Variants in MAGEB10 observed in about 807,000 individuals in gnomAD.
MAGEB10 encodes the protein melanoma-associated antigen B10.
For synonymous variants in MAGEB10, 99 were observed against 101.0 expected, an observed-to-expected ratio of 0.98 and a Z score of 0.12; for missense variants, 190 against 261.9, an observed-to-expected ratio of 0.73 and a Z score of 1.89.
At chrX:27,815,790 C>A (rs1923774808) in intron 1 of MAGEB10, among the ~76,000 whole-genome samples, 1 of 111,945 alleles carries the variant, frequency 8.9e-6, no homozygotes, top group East Asian at 2.8e-4. Context: ...GATTAGATCA[C>A]CCTTCTGTAG....
intron 1 of MAGEB10, among the ~76,000 whole-genome samples, chrX:27,815,732 T>G (rs1282624851): frequency 8.9e-6 from 1 of 112,182 alleles, no homozygotes; most frequent in Non-Finnish European, 1.9e-5. Flanking sequence ...TAGATTTCTA[T>G]GCTGACATAA....
intron 1 of MAGEB10, among the ~76,000 whole-genome samples, chrX:27,813,536 G>A (rs1164612581): frequency 3.6e-5 from 4 of 111,824 alleles, no homozygotes; most frequent in Non-Finnish European, 7.5e-5. Context: ...CCAAGGGCAC[G>A]CACTGAATTG....
In MAGEB10 at chrX:27,822,496, T is replaced by C. The variant is rs1049135339; in HGVS notation, c.*146T>C. On this transcript the variant is annotated 3_prime_UTR_variant, in exon 3 of 3. Coordinates refer to ENST00000356790, the MANE Select transcript of MAGEB10 (RefSeq NM_182506.3). The stretch of plus-strand genomic sequence containing the variant: ...TGGCTTGGAATTTTTGAAGATGTTG[T>C]TCCTTTAATAGATGGTTAAAGTAGC... 1.5e-5 allele frequency: 8 copies of C among 544,730 alleles called. No homozygotes were observed. The highest frequency in any genetic ancestry group is 9.4e-5 in the African/African-American group (4 of 42,604). 44.9% of individuals were successfully genotyped at this position (544,730 alleles called of 1,213,427 possible).
At chrX:27,809,938 C>A (rs1481225163) in intron 1 of MAGEB10, among the ~76,000 whole-genome samples, 1 of 109,357 alleles carries the variant, frequency 9.1e-6, no homozygotes, top group Non-Finnish European at 1.9e-5. Context: ...TTTGGAGAAC[C>A]CTTGTGTCAA....
At chrX:27,816,031 C>T (rs1923778905) in intron 1 of MAGEB10, among the ~76,000 whole-genome samples, 1 of 111,216 alleles carries the variant, frequency 9.0e-6, no homozygotes, top group Non-Finnish European at 1.9e-5. Flanking sequence ...GGCCTGTGTC[C>T]AGTCTTTGCA....
At chrX:27,816,561 T>C (rs1923787469) in intron 1 of MAGEB10, among the ~76,000 whole-genome samples, 1 of 111,591 alleles carries the variant, frequency 9.0e-6, no homozygotes, top group South Asian at 3.8e-4. Flanking sequence ...TAACAATACA[T>C]CAAAAGAAGG....
At chrX:27,821,214 T>G (rs1439072277) in intron 2 of MAGEB10, 44 bp from the exon 3 acceptor site, 6 of 770,158 alleles carry the variant, frequency 7.8e-6, no homozygotes, top group Non-Finnish European at 1.1e-5. Flanking sequence ...AAGTTGTATC[T>G]CTCTGCTGAA....
At position 27,812,713 on chromosome X, in the gene MAGEB10, G is replaced by A. The variant is rs1408197841; in HGVS notation, c.-199+4677G>A. Reference sequence around the variant, plus strand: ...AGCTATGAATTCCTGTGGCGTCCACGAGCCTATGCTGAAACCAGCAAGATG... The same window carrying A: ...AGCTATGAATTCCTGTGGCGTCCACAAGCCTATGCTGAAACCAGCAAGATG... On this transcript the variant is annotated intron_variant, in intron 1 of 2. Coordinates refer to ENST00000356790, the MANE Select transcript of MAGEB10 (RefSeq NM_182506.3). 1.1e-5 allele frequency: 4 copies of A among 366,166 alleles called. 1 individual carries two copies. Among genetic ancestry groups the A allele is most frequent in the South Asian group, 7.8e-5 (3 of 38,367 alleles). 30.2% of individuals were successfully genotyped at this position (366,166 alleles called of 1,213,427 possible).
intron 1 of MAGEB10, among the ~76,000 whole-genome samples, chrX:27,809,393 C>T (rs1200602603): frequency 1.8e-5 from 1 of 55,903 alleles, no homozygotes; most frequent in Non-Finnish European, 3.2e-5. Flanking sequence ...CCCAACCCCG[C>T]CAGCCCCCTC....
chrX:27,818,532 C>T (rs1427592025), intron 2 of MAGEB10, among the ~76,000 whole-genome samples: 1 of 111,984 alleles, frequency 8.9e-6, no homozygotes, highest in Non-Finnish European at 1.9e-5. Flanking sequence ...AAAGGCTGAG[C>T]GTGCATATGC....
chrX:27,822,515 A>G lies in MAGEB10; in HGVS notation c.*165A>G. 1 of 474,775 alleles carries G rather than the reference A, an allele frequency of 2.1e-6. No individual in the cohort carries two copies. Among genetic ancestry groups the G allele is most frequent in the Non-Finnish European group, 3.5e-6 (1 of 288,976 alleles). 39.1% of individuals were successfully genotyped at this position (474,775 alleles called of 1,213,427 possible). The stretch of plus-strand genomic sequence containing the variant: ...ATGTTGTTCCTTTAATAGATGGTTA[A>G]AGTAGCTTCACTATCTAAGTTTATG... On this transcript the variant is annotated 3_prime_UTR_variant, in exon 3 of 3. Coordinates refer to ENST00000356790, the MANE Select transcript of MAGEB10 (RefSeq NM_182506.3).
intron 1 of MAGEB10, among the ~76,000 whole-genome samples, chrX:27,809,585 C>A (rs377436193): frequency 0.047 from 598 of 12,621 alleles, 98 homozygotes; most frequent in Non-Finnish European, 0.068. Flanking sequence ...CACCCACCCC[C>A]CCTCCTGTCC....
At chrX:27,811,597 T>G (rs1923685398) in intron 1 of MAGEB10, among the ~76,000 whole-genome samples, 1 of 112,068 alleles carries the variant, frequency 8.9e-6, no homozygotes, top group African/African-American at 3.2e-5. Context: ...CCATAGAGTC[T>G]GGACCTGCCA....
At position 27,822,923 on chromosome X, in the gene MAGEB10, G is replaced by A. The variant is rs747862519; in HGVS notation, c.*573G>A. On this transcript the variant is annotated 3_prime_UTR_variant, in exon 3 of 3. Transcript: ENST00000356790. The stretch of plus-strand genomic sequence containing the variant: ...CTAGCTGCTCAGGAGGCTGAGGCAG[G>A]AGAATGGCGTAAACCCGGGAGGCGG... 2 of 116,863 alleles carry A rather than the reference G, an allele frequency of 1.7e-5. No individual in the cohort carries two copies. The highest frequency in any genetic ancestry group is 3.3e-5 in the African/African-American group (1 of 30,215). 9.6% of individuals were successfully genotyped at this position (116,863 alleles called of 1,213,427 possible).
At chrX:27,812,317 A>C (rs1923706264) in intron 1 of MAGEB10, 1 of 160,706 alleles carries the variant, frequency 6.2e-6, no homozygotes, top group Non-Finnish European at 1.2e-5. Context: ...CAGACGTAAA[A>C]GAGCCTCTTC....
chrX:27,809,633 G>A (rs1317045699), intron 1 of MAGEB10, among the ~76,000 whole-genome samples: 3 of 66,467 alleles, frequency 4.5e-5, no homozygotes, highest in Non-Finnish European at 8.4e-5. Flanking sequence ...CCCCCGCTCT[G>A]CGGTGCCCAG....
At position 27,810,564 on chromosome X, in the gene MAGEB10, G is replaced by A. The variant is rs149849893; in HGVS notation, c.-199+2528G>A. On this transcript the variant is annotated intron_variant, in intron 1 of 2. Transcript: ENST00000356790. ...TGGGAGGTCCCTAGCGTGGCTGTAA[G>A]GCCCAGGTGACCCCTCGCTTCATAT... is the stretch of plus-strand genomic sequence containing the variant. Among the ~76,000 whole-genome samples the A allele has an allele frequency of 5.0e-3, 558 of 111,522 alleles. 2 individuals are homozygous for A. The highest frequency in any genetic ancestry group is 0.017 in the African/African-American group (515 of 30,633).
At chrX:27,819,058 A>ACCCC (rs1004393369) in intron 2 of MAGEB10, among the ~76,000 whole-genome samples, 7 of 110,470 alleles carry the variant, frequency 6.3e-5, no homozygotes, top group Non-Finnish European at 1.1e-4. Context: ...CACAGAGACC[A>ACCCC]CCCCTGCTGT....
At chrX:27,810,757 G>T (rs192522053) in intron 1 of MAGEB10, among the ~76,000 whole-genome samples, 2 of 98,522 alleles carry the variant, frequency 2.0e-5, no homozygotes, top group East Asian at 5.9e-4. Context: ...ACTACTATGA[G>T]CCTTGGTAGC....
Sources: allele counts gnomAD v4.1 joint callset (sites outside exome capture counted in the v4.1 genomes callset), GRCh38; gene constraint gnomAD v4.1.1; transcripts MANE v1.5; gene names NCBI Gene and HGNC (gene_info 2026-07-23, HGNC 2026-07-21).